CNTN5: variants seen among roughly 807,000 people sequenced by gnomAD.
CNTN5 encodes the protein contactin 5, also known as contactin-5.
In CNTN5, 77 loss-of-function variants were observed where a neutral mutation model predicts 129.1. That is an observed-to-expected ratio of 0.60 (90% confidence interval 0.50 to 0.72). The LOEUF (loss-of-function observed/expected upper bound fraction) is 0.72. Among genes scored for constraint, CNTN5 ranks in the 30% least tolerant of loss-of-function variants. The pLI is 0.00. For synonymous variants in CNTN5, 509 were observed against 465.6 expected, an observed-to-expected ratio of 1.09 and a Z score of -1.20; for missense variants, 1,478 against 1,328.8, an observed-to-expected ratio of 1.11 and a Z score of -1.75.
In CNTN5 at chr11:99,594,589, T is replaced by C. The variant is rs373052834; in HGVS notation, c.55+38320T>C. Among the ~76,000 whole-genome samples, 8 of 152,134 alleles carry C rather than the reference T, an allele frequency of 5.3e-5. No individual in the cohort carries two copies. The East Asian group carries it at 7.7e-4, about 15-fold the overall frequency. On this transcript the variant is annotated intron_variant, in intron 3 of 24. Coordinates refer to ENST00000524871, the MANE Select transcript of CNTN5 (RefSeq NM_014361.4). ...GATACAGTGGGATTTGTGGTTCACT[T>C]TGGCCGGTTCTATCAATATGAGCTC...
At chr11:99,400,074 C>T (rs566571102) in intron 2 of CNTN5, among the ~76,000 whole-genome samples, 3 of 152,084 alleles carry the variant, frequency 2.0e-5, no homozygotes, top group Non-Finnish European at 4.4e-5. Flanking sequence ...ACTGTAGTCA[C>T]ATCCTTGTGC....
intron 8 of CNTN5, among the ~76,000 whole-genome samples, chr11:99,978,809 G>A (rs886743433): frequency 6.6e-6 from 1 of 152,158 alleles, no homozygotes. Context: ...TACTGAGACA[G>A]CTTCCCAAAG....
At chr11:99,637,376 T>A (rs907688046) in intron 3 of CNTN5, among the ~76,000 whole-genome samples, 7 of 152,128 alleles carry the variant, frequency 4.6e-5, no homozygotes, top group Non-Finnish European at 1.0e-4. Flanking sequence ...ATTAGCGTTG[T>A]ATATAGCATA....
intron 18 of CNTN5, among the ~76,000 whole-genome samples, chr11:100,285,199 T>A (rs1426047032): frequency 6.6e-6 from 1 of 152,236 alleles, no homozygotes; most frequent in Non-Finnish European, 1.5e-5. Flanking sequence ...AAACTAGTAA[T>A]CATGAAAAAG....
intron 3 of CNTN5, among the ~76,000 whole-genome samples, chr11:99,754,417 A>G (rs1944344452): frequency 6.6e-6 from 1 of 152,168 alleles, no homozygotes; most frequent in Non-Finnish European, 1.5e-5. Context: ...GAACATTTAT[A>G]ATGTTGAAAA....
intron 16 of CNTN5, among the ~76,000 whole-genome samples, chr11:100,242,887 C>T (rs985480751): frequency 6.6e-6 from 1 of 152,182 alleles, no homozygotes; most frequent in African/African-American, 2.4e-5. Flanking sequence ...ATGGAGCAGT[C>T]ATTGAATAAA....
intron 3 of CNTN5, among the ~76,000 whole-genome samples, chr11:99,588,912 GT>G (rs1949892001): frequency 6.6e-6 from 1 of 152,144 alleles, no homozygotes. Flanking sequence ...AGTTGCTGTT[GT>G]GGAAAAGTAA....
intron 2 of CNTN5, among the ~76,000 whole-genome samples, chr11:99,549,615 T>G (rs1948416079): frequency 2.6e-5 from 4 of 152,122 alleles, no homozygotes; most frequent in African/African-American, 7.2e-5. Flanking sequence ...CTGTATTACT[T>G]TAAGAAGGAC....
chr11:100,205,595 T>C (rs112961454), intron 15 of CNTN5, among the ~76,000 whole-genome samples: 12 of 152,196 alleles, frequency 7.9e-5, no homozygotes, highest in African/African-American at 2.9e-4. Flanking sequence ...CAGTGTACAA[T>C]ACAATCAGCC....
rs11221559 is a variant in CNTN5 at position 99,834,775 on chromosome 11, G to C, written c.278-10077G>C. ...TAAGATAGATGGGGTTACTACTAAG[G>C]CTCAGGGATAACAAAAGAGTAAGGG... On this transcript the variant is annotated intron_variant, in intron 4 of 24. Coordinates refer to ENST00000524871, the MANE Select transcript of CNTN5 (RefSeq NM_014361.4). Among the ~76,000 whole-genome samples the C allele has an allele frequency of 1.3e-3, 205 of 152,152 alleles. 6 individuals are homozygous for C. The East Asian group carries it at 0.036, about 27-fold the overall frequency.
chr11:99,559,956 A>C (rs970994064), intron 3 of CNTN5, among the ~76,000 whole-genome samples: 2 of 152,216 alleles, frequency 1.3e-5, no homozygotes, highest in African/African-American at 4.8e-5. Context: ...TAGTTTGAAC[A>C]GACTACATGC....
chr11:99,162,955 G>GT (rs1165329340), intron 1 of CNTN5, among the ~76,000 whole-genome samples: 2 of 152,124 alleles, frequency 1.3e-5, no homozygotes, highest in African/African-American at 4.8e-5. Context: ...ATTTGGTCAG[G>GT]TGATAGACTT....
chr11:99,416,387 C>T (rs933623684), intron 2 of CNTN5, among the ~76,000 whole-genome samples: 41 of 152,038 alleles, frequency 2.7e-4, no homozygotes, highest in African/African-American at 9.4e-4. Flanking sequence ...CTCAAGTAAT[C>T]CTCCTGCCAT....
At chr11:99,418,055 A>G (rs1942737404) in intron 2 of CNTN5, among the ~76,000 whole-genome samples, 1 of 152,170 alleles carries the variant, frequency 6.6e-6, no homozygotes, top group Non-Finnish European at 1.5e-5. Context: ...TTTTTAAAGT[A>G]TCTAATGCAC....
rs1448724982 is a variant in CNTN5, at chr11:100,224,739, T to C, written c.1932T>C (p.His644=). The change falls in exon 16 of 25, where the codon CAT becomes CAC. Residue 644 remains histidine, a synonymous_variant. Coordinates refer to ENST00000524871, the MANE Select transcript of CNTN5 (RefSeq NM_014361.4). ...DLMIRNILLM[H]AGRYGCRVQT... ...TGATCAGGAACATCCTTCTGATGCA[T>C]GCTGGGAGATATGGCTGCAGGGTAC... 1.2e-6 allele frequency: 2 copies of C among 1,613,002 alleles called. No individual in the cohort carries two copies. Among genetic ancestry groups the C allele is most frequent in the East Asian group, 2.2e-5 (1 of 44,858 alleles).
At chr11:100,070,990 T>G (rs1009919298) in intron 11 of CNTN5, among the ~76,000 whole-genome samples, 12 of 135,106 alleles carry the variant, frequency 8.9e-5, no homozygotes, top group East Asian at 2.0e-4. Context: ...CAACTAAGAG[T>G]TTTTTTTTTA....
rs183696159 is a variant in CNTN5, at chr11:99,437,975, C to G, written c.-71+112491C>G. 4.6e-5 allele frequency among the ~76,000 whole-genome samples: 7 copies of G among 150,748 alleles called. No homozygotes were observed. The Admixed American group carries it at 4.7e-4, about 10-fold the overall frequency. The stretch of plus-strand genomic sequence containing the variant: ...TTAAAAATGTTTTCTAGATGAGATT[C>G]TGTTCCATGTACAATATGGTATTCT... On this transcript the variant is annotated intron_variant, in intron 2 of 24. Coordinates refer to ENST00000524871, the MANE Select transcript of CNTN5 (RefSeq NM_014361.4).
chr11:100,064,739 T>A (rs1314255609), intron 10 of CNTN5, among the ~76,000 whole-genome samples: 4 of 152,210 alleles, frequency 2.6e-5, no homozygotes, highest in Admixed American at 2.0e-4. Context: ...TTTCTATAGT[T>A]CTAATGCAAG....
rs140396628 is a variant in CNTN5, at chr11:99,625,900, TTATATA to T, written c.55+69650_55+69655del. On this transcript the variant is annotated intron_variant, in intron 3 of 24. Coordinates refer to ENST00000524871, the MANE Select transcript of CNTN5 (RefSeq NM_014361.4). Reference sequence around the variant, plus strand: ...TCATGAGCTCATGATAAGGGCAAGATTATATATATATATATATATATATACACACAC... The same window carrying T: ...TCATGAGCTCATGATAAGGGCAAGATTATATATATATATATATACACACAC... Among the ~76,000 whole-genome samples, 734 of 146,388 alleles carry T rather than the reference TTATATA, an allele frequency of 5.0e-3. 4 individuals carry two copies. The highest frequency in any genetic ancestry group is 0.016 in the African/African-American group (622 of 39,760).
Sources: gnomAD v4.1 joint callset for allele counts (sites outside exome capture counted in the v4.1 genomes callset) on GRCh38, gnomAD v4.1.1 for gene constraint, MANE v1.5 for transcripts, NCBI Gene and HGNC (gene_info 2026-07-23, HGNC 2026-07-21) for gene names.